Variants in ZNF362 observed in about 807,000 individuals in gnomAD.
ZNF362 encodes the protein rotund homolog.
Under a neutral mutation model 42.9 loss-of-function variants are expected in ZNF362, and 11 were observed. The observed-to-expected ratio is 0.26, with a 90% confidence interval of 0.16 to 0.42. ZNF362 has a LOEUF of 0.42. Ranked by LOEUF, ZNF362 falls within the 20% of genes least tolerant of loss-of-function variation. ZNF362 has a pLI of 1.00. For missense variants in ZNF362, 362 were observed against 576.2 expected, an observed-to-expected ratio of 0.63 and a Z score of 3.81; for synonymous variants, 255 against 257.3, an observed-to-expected ratio of 0.99 and a Z score of 0.09.
At chr1:33,217,994 A>G in the ZNF362 span, among the ~76,000 whole-genome samples, 22 of 152,266 alleles carry the variant, frequency 1.4e-4, no homozygotes, top group Admixed American at 4.6e-4. Flanking sequence ...CAGCATGAAC[A>G]TGAGCAGAAT....
chr1:33,198,608 T>C, the ZNF362 span, among the ~76,000 whole-genome samples: 1 of 152,020 alleles, frequency 6.6e-6, no homozygotes, highest in South Asian at 2.1e-4. Flanking sequence ...TTGAGGCTGA[T>C]GTGAACCATG....
At position 33,270,478 on chromosome 1, in the gene ZNF362, A is replaced by G. The variant is rs538291581; in HGVS notation, c.-88-9A>G. On this transcript the variant is annotated splice_polypyrimidine_tract_variant and intron_variant, in intron 1 of 8. Transcript: ENST00000539719. Reference sequence around the variant, plus strand: ...TGTTATTATTGTTATTGTTATTCCCATATACAAGGTGCTGTTGGGAACACA... The same window carrying G: ...TGTTATTATTGTTATTGTTATTCCCGTATACAAGGTGCTGTTGGGAACACA... 5 of 697,202 alleles carry G rather than the reference A, an allele frequency of 7.2e-6. No homozygotes were observed. Among genetic ancestry groups the G allele is most frequent in the Non-Finnish European group, 1.3e-5 (5 of 382,966 alleles). The allele number at this position is 697,202 out of a possible 1,614,324, so 43.2% of individuals were successfully genotyped here.
At chr1:33,182,221 C>T in the ZNF362 span, among the ~76,000 whole-genome samples, 3 of 152,128 alleles carry the variant, frequency 2.0e-5, no homozygotes, top group African/African-American at 7.2e-5. Context: ...GCTGTTCCTT[C>T]GGGGTGTGTA....
At chr1:33,217,810 C>T in the ZNF362 span, among the ~76,000 whole-genome samples, 1 of 152,024 alleles carries the variant, frequency 6.6e-6, no homozygotes, top group Non-Finnish European at 1.5e-5. Flanking sequence ...ACACCCACAA[C>T]TTTATGTAAA....
the ZNF362 span, among the ~76,000 whole-genome samples, chr1:33,226,170 G>A: frequency 2.6e-5 from 4 of 151,552 alleles, no homozygotes; most frequent in African/African-American, 9.7e-5. Context: ...AAGCTTTTCA[G>A]TTTATGATTT....
At position 33,276,319 on chromosome 1, in the gene ZNF362, C is replaced by T; in HGVS notation, c.103-29C>T. On this transcript the variant is annotated intron_variant, in intron 3 of 8. Transcript: ENST00000539719. ...GCAAGGGGCGGGAGGTGGTCCAGAC[C>T]TCCTCAGCCCGTCCTCTTCTTCCCG... 4 of 1,541,248 alleles carry T rather than the reference C, an allele frequency of 2.6e-6. No homozygotes were observed. In the South Asian group the frequency reaches 4.8e-5, roughly 18 times the overall value.
At chr1:33,289,207 C>T (rs1646056507) in intron 6 of ZNF362, among the ~76,000 whole-genome samples, 1 of 152,166 alleles carries the variant, frequency 6.6e-6, no homozygotes, top group Non-Finnish European at 1.5e-5. Flanking sequence ...AGGCTCGAGG[C>T]CCGCCGGGAG....
chr1:33,183,817 G>A, the ZNF362 span, among the ~76,000 whole-genome samples: 1 of 152,208 alleles, frequency 6.6e-6, no homozygotes, highest in Non-Finnish European at 1.5e-5. Context: ...GGGAGGGCAA[G>A]GCCAAGAGAG....
chr1:33,209,498 A>C, the ZNF362 span, among the ~76,000 whole-genome samples: 4 of 152,178 alleles, frequency 2.6e-5, no homozygotes, highest in East Asian at 7.7e-4. Flanking sequence ...AGAAGGAATG[A>C]TACCAGCTCT....
chr1:33,241,076 T>A, the ZNF362 span, among the ~76,000 whole-genome samples: 1 of 151,876 alleles, frequency 6.6e-6, no homozygotes, highest in African/African-American at 2.4e-5. Flanking sequence ...TTCTGCTGTA[T>A]ATGACAATTC....
At chr1:33,243,778 T>G in the ZNF362 span, among the ~76,000 whole-genome samples, 1 of 150,124 alleles carries the variant, frequency 6.7e-6, no homozygotes, top group African/African-American at 2.4e-5. Flanking sequence ...TTTTTTTTTT[T>G]TTTTGTATTT....
rs542574523 is a variant in ZNF362, at chr1:33,288,396, T to A, written c.909-6541T>A. On this transcript the variant is annotated intron_variant, in intron 6 of 8. Coordinates refer to ENST00000539719, the MANE Select transcript of ZNF362 (RefSeq NM_152493.3). Reference sequence around the variant, plus strand: ...GACAGTGGGGGGTGAAGTGGGGTAGTCCAGGGCCACTAGCTTCAGCTCAGC... The same window carrying A: ...GACAGTGGGGGGTGAAGTGGGGTAGACCAGGGCCACTAGCTTCAGCTCAGC... Among the ~76,000 whole-genome samples the A allele has an allele frequency of 3.9e-5, 6 of 152,156 alleles. No individual in the cohort carries two copies. The East Asian group carries it at 1.2e-3, about 29-fold the overall frequency.
the ZNF362 span, among the ~76,000 whole-genome samples, chr1:33,208,245 G>A: frequency 2.0e-5 from 3 of 152,142 alleles, no homozygotes; most frequent in African/African-American, 7.2e-5. Flanking sequence ...GATGGTTGTA[G>A]ACGTGTTATT....
intron 6 of ZNF362, among the ~76,000 whole-genome samples, chr1:33,283,096 GT>G (rs569490997): frequency 1.3e-5 from 2 of 152,002 alleles, no homozygotes; most frequent in South Asian, 4.1e-4. Context: ...AGAATTCAAG[GT>G]TTTTTCTGTT....
At chr1:33,239,075 C>T in the ZNF362 span, among the ~76,000 whole-genome samples, 2 of 152,262 alleles carry the variant, frequency 1.3e-5, no homozygotes, top group African/African-American at 4.8e-5. Context: ...CTGGGAGTAC[C>T]GCTGTGAGCC....
chr1:33,233,712 C>T, the ZNF362 span, among the ~76,000 whole-genome samples: 9 of 152,122 alleles, frequency 5.9e-5, no homozygotes, highest in Non-Finnish European at 1.0e-4. Context: ...CCCCTTTTTA[C>T]ACTTTCTTAT....
At chr1:33,233,891 G>T in the ZNF362 span, among the ~76,000 whole-genome samples, 1 of 152,230 alleles carries the variant, frequency 6.6e-6, no homozygotes, top group African/African-American at 2.4e-5. Flanking sequence ...AACTCTGTGT[G>T]CCTCACTTTC....
At chr1:33,298,669 C>T (rs1241904967) in intron 8 of ZNF362, among the ~76,000 whole-genome samples, 1 of 152,232 alleles carries the variant, frequency 6.6e-6, no homozygotes, top group Non-Finnish European at 1.5e-5. Context: ...ATCCAGGTGG[C>T]AAGGGCCTGG....
chr1:33,234,651 G>A, the ZNF362 span, among the ~76,000 whole-genome samples: 2 of 152,174 alleles, frequency 1.3e-5, no homozygotes, highest in South Asian at 2.1e-4. Context: ...AGGAGGAACA[G>A]GGAGGTCTAG....
Sources: allele counts gnomAD v4.1 joint callset (sites outside exome capture counted in the v4.1 genomes callset), GRCh38; gene constraint gnomAD v4.1.1; transcripts MANE v1.5; gene names NCBI Gene and HGNC (gene_info 2026-07-23, HGNC 2026-07-21).